The following SEPTIN2 variants were observed in gnomAD, a reference collection of about 807,000 sequenced individuals.
The protein encoded by SEPTIN2 is septin-2.
In SEPTIN2, 34 loss-of-function variants were observed where a neutral mutation model predicts 46.5. The observed-to-expected ratio is 0.73, with a 90% CI of 0.56 to 0.97. The LOEUF (loss-of-function observed/expected upper bound fraction) is 0.97. SEPTIN2 is among the 50% of genes least tolerant of loss of function. SEPTIN2 has a pLI of 0.00. For synonymous variants in SEPTIN2, 175 were observed against 153.4 expected, an observed-to-expected ratio of 1.14 and a Z score of -1.04; for missense variants, 347 against 448.4, an observed-to-expected ratio of 0.77 and a Z score of 2.04.
intron 3 of SEPTIN2, among the ~76,000 whole-genome samples, chr2:241,328,555 G>A (rs1157156378): frequency 6.6e-6 from 1 of 151,780 alleles, no homozygotes; most frequent in Non-Finnish European, 1.5e-5. Flanking sequence ...TGACCAACAT[G>A]GAGAAATCCT....
Position 241,329,939 on chromosome 2 carries a change from C to T in SEPTIN2, c.130+3826C>T, listed in dbSNP as rs116051677. Among the ~76,000 whole-genome samples, 664 of 152,306 alleles carry T rather than the reference C, an allele frequency of 4.4e-3. 4 individuals carry two copies. Among genetic ancestry groups the T allele is most frequent in the African/African-American group, 0.015 (631 of 41,556 alleles). ...GGGCAAATATTTAGGCTGAATTGTG[C>T]GAGCTAAGAACATAAAGTACTTTGA... On this transcript the variant is annotated intron_variant, in intron 3 of 12. Coordinates refer to ENST00000391971, the MANE Select transcript of SEPTIN2 (RefSeq NM_004404.5).
At chr2:241,328,524 G>C (rs1160609290) in intron 3 of SEPTIN2, among the ~76,000 whole-genome samples, 3 of 151,564 alleles carry the variant, frequency 2.0e-5, no homozygotes, top group Non-Finnish European at 2.9e-5. Context: ...ATCACCTGAG[G>C]TTGGGAGTTC....
At chr2:241,350,226 C>A in intron 12 of SEPTIN2, 23 bp downstream of exon 12, 1 of 1,387,698 alleles carries the variant, frequency 7.2e-7, no homozygotes, top group Admixed American at 2.4e-5. Context: ...GTCCCTTAGC[C>A]TGGAAGACAG....
intron 3 of SEPTIN2, among the ~76,000 whole-genome samples, chr2:241,328,710 C>G (rs1480643903): frequency 1.3e-5 from 2 of 151,864 alleles, no homozygotes; most frequent in Non-Finnish European, 2.9e-5. Flanking sequence ...TCATTGCACT[C>G]CAGCCGGGGC....
At chr2:241,322,237 G>A (rs1163554001) in intron 1 of SEPTIN2, among the ~76,000 whole-genome samples, 3 of 152,062 alleles carry the variant, frequency 2.0e-5, no homozygotes, top group Non-Finnish European at 4.4e-5. Flanking sequence ...TCTTTCTTGG[G>A]GTTGTTACTG....
intron 1 of SEPTIN2, 133 bp from the exon 2 acceptor site, chr2:241,324,083 T>G: frequency 2.6e-6 from 2 of 764,462 alleles, no homozygotes; most frequent in Non-Finnish European, 2.1e-6. Flanking sequence ...GTCCTGAAAT[T>G]GTATTTTCTT....
In SEPTIN2 at chr2:241,324,198, GTGTT is replaced by G; in HGVS notation, c.-17-16_-17-13del. 6.2e-7 allele frequency: 1 copy of G among 1,606,976 alleles called. No individual in the cohort carries two copies. The highest frequency in any genetic ancestry group is 2.2e-5 in the East Asian group (1 of 44,786). ...TGTATGTGCGTTTATGTGTGTCTGT[GTGTT>G]TTTTTTTTAACAGACGAAGCTTCAC... On this transcript the variant is annotated splice_polypyrimidine_tract_variant and intron_variant, in intron 1 of 12. Transcript: ENST00000391971.
intron 2 of SEPTIN2, among the ~76,000 whole-genome samples, chr2:241,325,459 T>C (rs2077804708): frequency 6.6e-6 from 1 of 152,196 alleles, no homozygotes; most frequent in Admixed American, 6.5e-5. Flanking sequence ...TGCCTCACCC[T>C]TGATGAAACT....
intron 3 of SEPTIN2, among the ~76,000 whole-genome samples, chr2:241,332,756 T>C (rs1207641299): frequency 1.3e-5 from 2 of 152,358 alleles, no homozygotes; most frequent in Non-Finnish European, 1.5e-5. Context: ...CAAATTGTGG[T>C]GTAGCCATAC....
At chr2:241,337,338 G>A in intron 5 of SEPTIN2, 44 bp from the exon 6 acceptor site, 2 of 1,583,390 alleles carry the variant, frequency 1.3e-6, no homozygotes, top group Non-Finnish European at 1.7e-6. Flanking sequence ...GGGACCCCCT[G>A]TTTTATACCC....
intron 3 of SEPTIN2, among the ~76,000 whole-genome samples, chr2:241,329,753 G>A (rs897946490): frequency 6.6e-6 from 1 of 152,154 alleles, no homozygotes; most frequent in African/African-American, 2.4e-5. Flanking sequence ...CTCACATTCT[G>A]TATTTGTCCT....
intron 1 of SEPTIN2, chr2:241,316,616 T>A: frequency 7.9e-7 from 1 of 1,265,726 alleles, no homozygotes; most frequent in Non-Finnish European, 1.1e-6. Context: ...GGCCCGGGGA[T>A]GAGGAGCAAA....
chr2:241,318,049 C>T (rs1411803026), intron 1 of SEPTIN2, among the ~76,000 whole-genome samples: 3 of 151,726 alleles, frequency 2.0e-5, no homozygotes, highest in South Asian at 4.1e-4. Flanking sequence ...TTCATAATTC[C>T]TCTTTCACCT....
Position 241,330,646 on chromosome 2 carries a change from T to TC in SEPTIN2, c.131-4479dup, listed in dbSNP as rs1559617275. The stretch of plus-strand genomic sequence containing the variant: ...TTCTCCTAGTTTCTCACCAATGAGA[T>TC]CATATATAATAAGCAAATACGAAAT... On this transcript the variant is annotated intron_variant, in intron 3 of 12. Transcript: ENST00000391971. 2.0e-5 allele frequency among the ~76,000 whole-genome samples: 3 copies of TC among 152,220 alleles called. No individual in the cohort carries two copies. In the East Asian group the frequency reaches 5.8e-4, roughly 29 times the overall value.
At position 241,327,105 on chromosome 2, in the gene SEPTIN2, C is replaced by T. The variant is rs80148714; in HGVS notation, c.130+992C>T. 4.4e-3 allele frequency among the ~76,000 whole-genome samples: 594 copies of T among 135,040 alleles called. 1 individual carries two copies. The highest frequency in any genetic ancestry group is 7.3e-3 in the Non-Finnish European group (461 of 63,514). The allele number at this position is 135,040 out of a possible 152,430, so 88.6% of individuals were successfully genotyped here. ...CCAGGCATTTACAGTGTAACATTCA[C>T]AATGTCTAATGTCTAATAGAAAATT... On this transcript the variant is annotated intron_variant, in intron 3 of 12. Transcript: ENST00000391971.
chr2:241,322,619 GAA>G (rs968635348), intron 1 of SEPTIN2, among the ~76,000 whole-genome samples: 12 of 149,942 alleles, frequency 8.0e-5, no homozygotes, highest in Non-Finnish European at 1.5e-4. Context: ...AAAAAAAAAA[GAA>G]AAGAGAAAAA....
intron 7 of SEPTIN2, among the ~76,000 whole-genome samples, chr2:241,340,754 TC>T (rs1340537937): frequency 6.6e-6 from 1 of 152,148 alleles, no homozygotes; most frequent in Non-Finnish European, 1.5e-5. Context: ...ATCCCTTCCT[TC>T]TTGGGCCTCA....
At chr2:241,318,702 CTTTTTTTTTT>C (rs1284874061) in intron 1 of SEPTIN2, among the ~76,000 whole-genome samples, 1 of 132,440 alleles carries the variant, frequency 7.6e-6, no homozygotes, top group Admixed American at 7.6e-5. Context: ...TTTGTATTTT[CTTTTTTTTTT>C]TTTTTTTGAG....
At chr2:241,348,106 T>TAC (rs1164451277) in intron 10 of SEPTIN2, 28 bp from the exon 11 acceptor site, 21 of 1,589,908 alleles carry the variant, frequency 1.3e-5, no homozygotes, top group Non-Finnish European at 1.8e-5. Flanking sequence ...GTTGCAGTGT[T>TAC]ATGATTCTGA....
Sources: allele counts gnomAD v4.1 joint callset (sites outside exome capture counted in the v4.1 genomes callset), GRCh38; gene constraint gnomAD v4.1.1; transcripts MANE v1.5; gene names NCBI Gene and HGNC (gene_info 2026-07-23, HGNC 2026-07-21).